PXDNL: variants seen among roughly 807,000 people sequenced by gnomAD.
The protein encoded by PXDNL is probable oxidoreductase PXDNL.
Under a neutral mutation model 150.8 loss-of-function variants are expected in PXDNL, and 145 were observed. The observed-to-expected ratio is 0.96, with a 90% confidence interval of 0.84 to 1.10. PXDNL has a LOEUF of 1.10. Ranked by LOEUF, PXDNL falls within the 50% of genes least tolerant of loss-of-function variation. The pLI is 0.00. For synonymous variants in PXDNL, 757 were observed against 725.7 expected (o/e 1.04, Z -0.69); for missense variants, 2,087 against 1,873.9 (o/e 1.11, Z -2.10).
chr8:51,444,642 T>C (rs7843405), intron 12 of PXDNL, among the ~76,000 whole-genome samples: 28,019 of 152,102 alleles, frequency 0.18, 2,869 homozygotes, highest in East Asian at 0.32. Flanking sequence ...GCTGATTCCT[T>C]AGCTGGAAAC....
intron 1 of PXDNL, among the ~76,000 whole-genome samples, chr8:51,774,957 G>T (rs939143163): frequency 2.6e-5 from 4 of 152,096 alleles, no homozygotes; most frequent in African/African-American, 9.7e-5. Context: ...TAAAGTTATT[G>T]TGAAATTTTA....
intron 14 of PXDNL, among the ~76,000 whole-genome samples, chr8:51,415,402 A>G (rs1808769265): frequency 1.3e-5 from 2 of 152,204 alleles, no homozygotes; most frequent in Admixed American, 1.3e-4. Flanking sequence ...GTAGATGAAG[A>G]GGAAGGAAGC....
chr8:51,518,924 A>G (rs1397456165), intron 4 of PXDNL, among the ~76,000 whole-genome samples: 1 of 152,174 alleles, frequency 6.6e-6, no homozygotes, highest in African/African-American at 2.4e-5. Flanking sequence ...GGTGGGAGGA[A>G]GGAAATAATT....
chr8:51,441,896 G>A (rs770297886), intron 12 of PXDNL, among the ~76,000 whole-genome samples: 1 of 152,150 alleles, frequency 6.6e-6, no homozygotes, highest in Non-Finnish European at 1.5e-5. Context: ...ACTTCAATAT[G>A]GCCTCTGAAT....
At chr8:51,494,499 G>C (rs542499918) in intron 5 of PXDNL, among the ~76,000 whole-genome samples, 1 of 152,254 alleles carries the variant, frequency 6.6e-6, no homozygotes, top group African/African-American at 2.4e-5. Flanking sequence ...TGGATAAAGA[G>C]TCAAGACCCA....
At chr8:51,684,378 AG>A (rs1435027552) in intron 1 of PXDNL, among the ~76,000 whole-genome samples, 3 of 152,242 alleles carry the variant, frequency 2.0e-5, no homozygotes, top group African/African-American at 7.2e-5. Context: ...ATTCCAGGAT[AG>A]CCCCCAAGAT....
chr8:51,507,645 C>T (rs909425808), intron 4 of PXDNL, among the ~76,000 whole-genome samples: 1 of 152,216 alleles, frequency 6.6e-6, no homozygotes, highest in Non-Finnish European at 1.5e-5. Context: ...TAGAGAGAGA[C>T]TCCAGCTAGA....
chr8:51,766,348 T>C (rs1286593186), intron 1 of PXDNL, among the ~76,000 whole-genome samples: 2 of 152,300 alleles, frequency 1.3e-5, no homozygotes, highest in Middle Eastern at 6.8e-3. Context: ...ATTATTATTT[T>C]ATCCAGTTTT....
chr8:51,683,091 C>T (rs887335833), intron 1 of PXDNL, among the ~76,000 whole-genome samples: 3 of 147,210 alleles, frequency 2.0e-5, no homozygotes, highest in Non-Finnish European at 4.5e-5. Context: ...GGTGGCTGCA[C>T]CATTTTGCAT....
At chr8:51,564,235 A>G (rs1051265608) in intron 3 of PXDNL, among the ~76,000 whole-genome samples, 1 of 152,036 alleles carries the variant, frequency 6.6e-6, no homozygotes, top group African/African-American at 2.4e-5. Flanking sequence ...AAAAGCACTC[A>G]AAGTCTAACG....
chr8:51,580,332 C>T (rs1018494686), intron 3 of PXDNL, among the ~76,000 whole-genome samples: 10 of 152,098 alleles, frequency 6.6e-5, no homozygotes, highest in East Asian at 1.9e-4. Flanking sequence ...TATCTCTCTG[C>T]GTATTATTTC....
intron 1 of PXDNL, among the ~76,000 whole-genome samples, chr8:51,710,452 G>A (rs1258500209): frequency 2.0e-5 from 3 of 152,120 alleles, no homozygotes; most frequent in Non-Finnish European, 4.4e-5. Context: ...GGGGGGTGAG[G>A]ACATTTAAAA....
intron 2 of PXDNL, among the ~76,000 whole-genome samples, chr8:51,636,169 G>A (rs528854589): frequency 1.7e-3 from 265 of 151,898 alleles, no homozygotes; most frequent in African/African-American, 6.0e-3. Context: ...AATCAACAAA[G>A]AATACTCAAA....
chr8:51,809,354 C>CGAAT lies in PXDNL; in HGVS notation c.-11_-10insATTC, dbSNP rs762261418. On this transcript the variant is annotated 5_prime_UTR_variant, in exon 1 of 23. Transcript: ENST00000356297. The stretch of plus-strand genomic sequence containing the variant: ...ACAGTCTGGGCTCCATCGCTCCATT[C>CGAAT]GCTGCTGGCCACGCGAAGAAGCAGC... 42 of 1,517,652 alleles carry CGAAT rather than the reference C, an allele frequency of 2.8e-5. No individual in the cohort carries two copies. The highest frequency in any genetic ancestry group is 3.1e-5 in the Non-Finnish European group (35 of 1,133,416). 94.0% of individuals were successfully genotyped at this position (1,517,652 alleles called of 1,614,324 possible). A position where few individuals can be genotyped will look rare whatever the true frequency, so the allele number is the denominator to read the frequency against.
At chr8:51,609,275 T>A (rs778132025) in intron 2 of PXDNL, among the ~76,000 whole-genome samples, 2 of 152,170 alleles carry the variant, frequency 1.3e-5, no homozygotes, top group Non-Finnish European at 2.9e-5. Flanking sequence ...GATTAAAATA[T>A]TGTACATAAG....
At chr8:51,628,399 C>CTTTTTTTTTTTTTTTT (rs71550276) in intron 2 of PXDNL, among the ~76,000 whole-genome samples, 24 of 69,754 alleles carry the variant, frequency 3.4e-4, no homozygotes, top group South Asian at 7.6e-4. Flanking sequence ...CTTTTCTTTT[C>CTTTTTTTTTTTTTTTT]TTTTTTTTTT....
chr8:51,400,488 GATGTTAAATTA>G (rs1374462080), intron 17 of PXDNL, among the ~76,000 whole-genome samples: 10 of 152,172 alleles, frequency 6.6e-5, no homozygotes, highest in Non-Finnish European at 1.5e-4. Flanking sequence ...CTACACAACT[GATGTTAAATTA>G]ATGTCATACT....
rs529723412 is a variant in PXDNL at position 51,612,712 on chromosome 8, G to A, written c.237-20014C>T. Among the ~76,000 whole-genome samples, 19 of 152,340 alleles carry A rather than the reference G, an allele frequency of 1.2e-4. No homozygotes were observed. In the East Asian group the frequency reaches 3.7e-3, roughly 29 times the overall value. The stretch of plus-strand genomic sequence containing the variant: ...GGGAGGACACAGGGAGAAGTTGGCA[G>A]CCTGCTTCCTGGAAGAGCCCTCGCC... On this transcript the variant is annotated intron_variant, in intron 2 of 22. Coordinates refer to ENST00000356297, the MANE Select transcript of PXDNL (RefSeq NM_144651.5).
intron 4 of PXDNL, among the ~76,000 whole-genome samples, chr8:51,512,482 C>T (rs1178136416): frequency 2.0e-5 from 3 of 152,106 alleles, no homozygotes; most frequent in South Asian, 2.1e-4. Context: ...AGGGAGATGG[C>T]GGCATTGATT....
Sources: gnomAD v4.1 joint callset for allele counts (sites outside exome capture counted in the v4.1 genomes callset) on GRCh38, gnomAD v4.1.1 for gene constraint, MANE v1.5 for transcripts, NCBI Gene and HGNC (gene_info 2026-07-23, HGNC 2026-07-21) for gene names.